EHBP1: variants seen among roughly 807,000 people sequenced by gnomAD.
The protein encoded by EHBP1 is EH domain-binding protein 1.
In EHBP1, 55 loss-of-function variants were observed where a neutral mutation model predicts 144.0. The observed-to-expected ratio is 0.38, with a 90% CI of 0.31 to 0.48. The LOEUF is 0.48. Among genes scored for constraint, EHBP1 ranks in the 20% least tolerant of loss-of-function variants. EHBP1 has a pLI of 0.98. For missense variants in EHBP1, 1,200 were observed against 1,364.2 expected, an observed-to-expected ratio of 0.88 and a Z score of 1.90; for synonymous variants, 469 against 472.7, an observed-to-expected ratio of 0.99 and a Z score of 0.10.
At chr2:62,803,397 C>T (rs892231108) in intron 5 of EHBP1, among the ~76,000 whole-genome samples, 3 of 152,108 alleles carry the variant, frequency 2.0e-5, no homozygotes, top group Non-Finnish European at 4.4e-5. Context: ...TTTATATTCC[C>T]ACCAACAGTG....
intron 19 of EHBP1, among the ~76,000 whole-genome samples, chr2:63,019,018 C>T (rs929225142): frequency 1.3e-5 from 2 of 152,132 alleles, no homozygotes; most frequent in African/African-American, 4.8e-5. Flanking sequence ...ACATGTTATA[C>T]ATGGAATATC....
chr2:62,918,116 C>T (rs2054787228), intron 10 of EHBP1, among the ~76,000 whole-genome samples: 1 of 152,088 alleles, frequency 6.6e-6, no homozygotes, highest in African/African-American at 2.4e-5. Context: ...AGACTGGTCT[C>T]AAGCTCCTGA....
At chr2:63,044,431 G>T (rs1159273175) in intron 21 of EHBP1, 2 of 152,044 alleles carry the variant, frequency 1.3e-5, no homozygotes, top group East Asian at 3.9e-4. Flanking sequence ...GCTGTGATGC[G>T]ATCGAGAGCT....
intron 10 of EHBP1, among the ~76,000 whole-genome samples, chr2:62,940,437 T>A (rs1035210316): frequency 2.6e-5 from 4 of 152,064 alleles, no homozygotes; most frequent in African/African-American, 9.7e-5. Context: ...ACTACAACCC[T>A]ATGAGATATG....
chr2:62,994,171 G>A (rs1277727503), intron 18 of EHBP1, 194 bp downstream of exon 18: 1 of 345,780 alleles, frequency 2.9e-6, no homozygotes, highest in Admixed American at 4.4e-5. Context: ...AAAAAAAAAT[G>A]AATTTTTCAG....
In EHBP1 at chr2:62,811,671, A is replaced by G. The variant is rs116434175; in HGVS notation, c.313-14416A>G. ...TGAAAAGTACCCACAAACAAATTTT[A>G]TAACTGTTAGGTACAGCATAAGGTG... On this transcript the variant is annotated intron_variant, in intron 5 of 22. Coordinates refer to ENST00000431489, the MANE Select transcript of EHBP1 (RefSeq NM_001142616.3). 3.1e-3 allele frequency among the ~76,000 whole-genome samples: 474 copies of G among 152,352 alleles called. 2 individuals carry two copies. Among genetic ancestry groups the G allele is most frequent in the African/African-American group, 0.011 (448 of 41,578 alleles).
intron 2 of EHBP1, among the ~76,000 whole-genome samples, chr2:62,710,140 C>A (rs1481376161): frequency 1.3e-5 from 2 of 152,070 alleles, no homozygotes; most frequent in Non-Finnish European, 2.9e-5. Flanking sequence ...CTTTTATCAT[C>A]TGTAGGCTTT....
chr2:62,865,876 G>A (rs1441657753), intron 9 of EHBP1, among the ~76,000 whole-genome samples: 1 of 152,190 alleles, frequency 6.6e-6, no homozygotes, highest in African/African-American at 2.4e-5. Flanking sequence ...GTACTGAGGT[G>A]ACCAGAATTT....
At chr2:62,861,275 G>A (rs376554133) in intron 8 of EHBP1, among the ~76,000 whole-genome samples, 61 of 151,414 alleles carry the variant, frequency 4.0e-4, no homozygotes, top group African/African-American at 1.1e-3. Flanking sequence ...GATTACAGGC[G>A]CGTGCCACCA....
intron 2 of EHBP1, among the ~76,000 whole-genome samples, chr2:62,726,393 C>T (rs2151970201): frequency 6.6e-6 from 1 of 152,302 alleles, no homozygotes; most frequent in South Asian, 2.1e-4. Context: ...CGGTAGGTAG[C>T]CCCGTGCTGG....
upstream of EHBP1, chr2:62,705,651 CA>C (rs1395224243): frequency 1.3e-5 from 2 of 152,396 alleles, no homozygotes; most frequent in East Asian, 1.9e-4. Flanking sequence ...GTGGGCGGGG[CA>C]CGCGCGGGGC....
At chr2:62,827,108 G>T (rs1200090023) in intron 6 of EHBP1, among the ~76,000 whole-genome samples, 3 of 152,140 alleles carry the variant, frequency 2.0e-5, no homozygotes, top group Non-Finnish European at 4.4e-5. Context: ...GTGGAAGGTG[G>T]TTACTATAAT....
At chr2:63,032,654 A>G (rs1398842507) in intron 19 of EHBP1, among the ~76,000 whole-genome samples, 3 of 151,876 alleles carry the variant, frequency 2.0e-5, no homozygotes, top group Admixed American at 6.6e-5. Context: ...TAAACTTCCA[A>G]CCTTTAGAAA....
Position 62,869,664 on chromosome 2 carries a change from T to C in EHBP1, c.999-4682T>C, listed in dbSNP as rs190055826. 3.2e-4 allele frequency among the ~76,000 whole-genome samples: 48 copies of C among 152,296 alleles called. No homozygotes were observed. The East Asian group carries it at 8.7e-3, about 28-fold the overall frequency. ...TTAAAAAGGGGCATGCAGGAAACTT[T>C]TGGAGGGACTGGAAATGTTTGGAAA... On this transcript the variant is annotated intron_variant, in intron 9 of 22. Transcript: ENST00000431489.
At chr2:62,954,349 C>A (rs2057567664) in intron 13 of EHBP1, among the ~76,000 whole-genome samples, 1 of 152,136 alleles carries the variant, frequency 6.6e-6, no homozygotes, top group Admixed American at 6.5e-5. Flanking sequence ...TAACTAAATT[C>A]TATTGTGTCC....
chr2:62,947,696 A>G (rs1047417315), intron 12 of EHBP1, among the ~76,000 whole-genome samples: 1 of 152,218 alleles, frequency 6.6e-6, no homozygotes, highest in African/African-American at 2.4e-5. Flanking sequence ...ACTAGGTTGT[A>G]GTACTCAAAA....
chr2:62,854,166 A>T (rs2048868945), intron 7 of EHBP1, among the ~76,000 whole-genome samples: 1 of 152,184 alleles, frequency 6.6e-6, no homozygotes, highest in African/African-American at 2.4e-5. Context: ...GCCTTCACAG[A>T]ATTGAGTAGA....
At chr2:62,746,514 T>C (rs932870394) in intron 2 of EHBP1, among the ~76,000 whole-genome samples, 2 of 152,082 alleles carry the variant, frequency 1.3e-5, no homozygotes, top group Admixed American at 6.6e-5. Context: ...AGTATGACTT[T>C]CATTTCTTGG....
intron 19 of EHBP1, among the ~76,000 whole-genome samples, chr2:63,008,186 T>A (rs896479845): frequency 1.3e-5 from 2 of 151,748 alleles, no homozygotes; most frequent in Non-Finnish European, 3.0e-5. Context: ...AGCTAAAACA[T>A]CCAGTGATAA....
Sources: gnomAD v4.1 joint callset for allele counts (sites outside exome capture counted in the v4.1 genomes callset) on GRCh38, gnomAD v4.1.1 for gene constraint, MANE v1.5 for transcripts, NCBI Gene and HGNC (gene_info 2026-07-23, HGNC 2026-07-21) for gene names.